AGPAT3: variants seen among roughly 807,000 people sequenced by gnomAD.
The protein encoded by AGPAT3 is 1-acylglycerol-3-phosphate O-acyltransferase 3, also known as 1-acyl-sn-glycerol-3-phosphate acyltransferase gamma.
In AGPAT3, 5 loss-of-function variants were observed where a neutral mutation model predicts 47.3. The observed-to-expected ratio is 0.11, with a 90% CI of 0.06 to 0.22. The LOEUF (loss-of-function observed/expected upper bound fraction) is 0.22, where lower values mean the gene tolerates loss of function less well. Ranked by LOEUF, AGPAT3 falls within the 10% of genes least tolerant of loss-of-function variation. The pLI, the probability that AGPAT3 is intolerant of heterozygous loss-of-function variation, is 1.00. For synonymous variants in AGPAT3, 212 were observed against 208.3 expected (o/e 1.02, Z -0.15); for missense variants, 315 against 493.0 (o/e 0.64, Z 3.42).
At chr21:43,960,684 G>A (rs1007916587) in intron 3 of AGPAT3, 12 of 970,762 alleles carry the variant, frequency 1.2e-5, no homozygotes, top group East Asian at 1.1e-4. Flanking sequence ...CTAATTATGC[G>A]GCACCCATAC....
chr21:43,949,494 A>G (rs1303456731), intron 2 of AGPAT3, among the ~76,000 whole-genome samples: 1 of 152,220 alleles, frequency 6.6e-6, no homozygotes, highest in Non-Finnish European at 1.5e-5. Flanking sequence ...AGGGAGTGGC[A>G]ACGCTCTAAA....
chr21:43,984,138 C>G lies in AGPAT3; in HGVS notation c.*1746C>G, dbSNP rs1359253951. ...GACCAACGAAACCAGATGAGACCAA[C>G]GACACCATGCGAGACACGCTTGCAG... On this transcript the variant is annotated 3_prime_UTR_variant, in exon 10 of 10. Coordinates refer to ENST00000291572, the MANE Select transcript of AGPAT3 (RefSeq NM_020132.5). 6.6e-6 allele frequency: 1 copy of G among 152,294 alleles called. No homozygotes were observed. The highest frequency in any genetic ancestry group is 2.4e-5 in the African/African-American group (1 of 41,468). The allele number at this position is 152,294 out of a possible 1,614,324, so 9.4% of individuals were successfully genotyped here.
intron 2 of AGPAT3, among the ~76,000 whole-genome samples, chr21:43,925,614 G>A (rs1307289229): frequency 1.3e-5 from 2 of 152,208 alleles, no homozygotes; most frequent in Non-Finnish European, 2.9e-5. Flanking sequence ...CTCTGGGCTG[G>A]ACTCTTCCTC....
chr21:43,971,755 G>T (rs1254397991), intron 7 of AGPAT3, among the ~76,000 whole-genome samples: 1 of 152,216 alleles, frequency 6.6e-6, no homozygotes, highest in African/African-American at 2.4e-5. Context: ...ATTGCCCACG[G>T]TGTGTTTCAT....
chr21:43,904,753 G>T (rs1038263928), intron 2 of AGPAT3, among the ~76,000 whole-genome samples: 1 of 152,188 alleles, frequency 6.6e-6, no homozygotes, highest in African/African-American at 2.4e-5. Context: ...TGCTGTGGCT[G>T]ATGAGGCTGC....
At chr21:43,974,967 C>T (rs777848909) in intron 7 of AGPAT3, among the ~76,000 whole-genome samples, 13 of 152,348 alleles carry the variant, frequency 8.5e-5, no homozygotes, top group Middle Eastern at 3.4e-3. Context: ...CACCAGCATG[C>T]GGCAGAGGCT....
intron 8 of AGPAT3, among the ~76,000 whole-genome samples, chr21:43,980,382 C>A (rs548941016): frequency 2.0e-5 from 3 of 152,180 alleles, no homozygotes; most frequent in Non-Finnish European, 2.9e-5. Flanking sequence ...GCAGTGGCTG[C>A]GGAGTGTCTG....
chr21:43,976,090 C>T (rs1214187170), intron 7 of AGPAT3, among the ~76,000 whole-genome samples: 9 of 145,100 alleles, frequency 6.2e-5, no homozygotes, highest in African/African-American at 1.0e-4. Context: ...TTTTTTGAGA[C>T]GGAGTCTCGC....
intron 1 of AGPAT3, among the ~76,000 whole-genome samples, chr21:43,872,858 T>C (rs2085651154): frequency 6.6e-6 from 1 of 152,164 alleles, no homozygotes; most frequent in Non-Finnish European, 1.5e-5. Context: ...TCTGCCTCCT[T>C]GAAGCAGAGG....
intron 2 of AGPAT3, among the ~76,000 whole-genome samples, chr21:43,926,361 C>T (rs547088237): frequency 1.3e-5 from 2 of 152,304 alleles, no homozygotes; most frequent in East Asian, 1.9e-4. Context: ...CTGGGGACCA[C>T]GTCAGGTAAC....
At chr21:43,958,851 T>C (rs1177922836) in intron 2 of AGPAT3, among the ~76,000 whole-genome samples, 2 of 145,624 alleles carry the variant, frequency 1.4e-5, no homozygotes. Context: ...GTGGCATGTG[T>C]GGTTTGCGGT....
At chr21:43,974,007 GT>G (rs2089501046) in intron 7 of AGPAT3, among the ~76,000 whole-genome samples, 3 of 152,206 alleles carry the variant, frequency 2.0e-5, no homozygotes, top group African/African-American at 7.2e-5. Flanking sequence ...ATGTTTATAT[GT>G]TTCATAATGT....
At position 43,876,287 on chromosome 21, in the gene AGPAT3, T is replaced by C. The variant is rs114175702; in HGVS notation, c.-112+10942T>C. On this transcript the variant is annotated intron_variant, in intron 1 of 9. Transcript: ENST00000291572. Reference sequence around the variant, plus strand: ...TAATACCGATAATAATATTAACAAATACTAAAATTTGAATTTCTTGAGGGT... The same window carrying C: ...TAATACCGATAATAATATTAACAAACACTAAAATTTGAATTTCTTGAGGGT... 3.5e-3 allele frequency among the ~76,000 whole-genome samples: 530 copies of C among 152,306 alleles called. 3 individuals carry two copies. Among genetic ancestry groups the C allele is most frequent in the African/African-American group, 0.012 (490 of 41,552 alleles).
chr21:43,967,960 C>T lies in AGPAT3; in HGVS notation c.193C>T (p.Leu65=). 6.2e-7 allele frequency: 1 copy of T among 1,614,004 alleles called. No homozygotes were observed. Among genetic ancestry groups the T allele is most frequent in the South Asian group, 1.1e-5 (1 of 91,058 alleles). ...YSLWSQLVML[L]EWWSCTECTL... ...CCTGTCCGCAGAACTGGTCATGCTGCTGGAGTGGTGGTCCTGCACGGAGTG... is the reference window on the plus strand; with the variant it reads ...CCTGTCCGCAGAACTGGTCATGCTGTTGGAGTGGTGGTCCTGCACGGAGTG... The change falls in exon 4 of 10, where the codon CTG becomes TTG. Residue 65 remains leucine, a synonymous_variant. Transcript: ENST00000291572.
intron 4 of AGPAT3, 141 bp downstream of exon 4, chr21:43,968,256 G>A: frequency 2.0e-6 from 2 of 1,024,600 alleles, no homozygotes; most frequent in South Asian, 3.3e-5. Context: ...GGAGTGAGCT[G>A]GGCGGGGTCC....
chr21:43,977,962 C>A, intron 7 of AGPAT3, 84 bp from the exon 8 acceptor site: 1 of 1,112,304 alleles, frequency 9.0e-7, no homozygotes, highest in Non-Finnish European at 1.3e-6. Context: ...GCCACCCTGG[C>A]ACACGACATG....
At chr21:43,959,534 C>A in intron 2 of AGPAT3, 100 bp from the exon 3 acceptor site, 3 of 1,057,380 alleles carry the variant, frequency 2.8e-6, no homozygotes, top group Non-Finnish European at 4.2e-6. Flanking sequence ...TGTGTATAAG[C>A]GTGAGGCATG....
Position 43,922,751 on chromosome 21 carries a change from G to A in AGPAT3, c.-49+18732G>A, listed in dbSNP as rs532826602. 6.6e-6 allele frequency among the ~76,000 whole-genome samples: 1 copy of A among 152,154 alleles called. No homozygotes were observed. The highest frequency in any genetic ancestry group is 2.1e-4 in the South Asian group (1 of 4,802). On this transcript the variant is annotated intron_variant, in intron 2 of 9. Coordinates refer to ENST00000291572, the MANE Select transcript of AGPAT3 (RefSeq NM_020132.5). The surrounding 1 kb of genome is among the most constrained non-coding windows in gnomAD (Gnocchi z 4.9). ...CCAGGCAGGGCACTCCGTCAGTGTAGGGTCTCCCAGCACAGGGGCTGTGGC... is the reference window on the plus strand; with the variant it reads ...CCAGGCAGGGCACTCCGTCAGTGTAAGGTCTCCCAGCACAGGGGCTGTGGC...
chr21:43,974,482 ATGGG>A (rs912621473), intron 7 of AGPAT3, among the ~76,000 whole-genome samples: 1 of 150,200 alleles, frequency 6.7e-6, no homozygotes, highest in Non-Finnish European at 1.5e-5. Context: ...TGTGTGCAAA[ATGGG>A]TGGGTTTGGT....
Sources: gnomAD v4.1 joint callset for allele counts (sites outside exome capture counted in the v4.1 genomes callset) on GRCh38, gnomAD v4.1.1 for gene constraint, Gnocchi (gnomAD v3.1) non-coding constraint, MANE v1.5 for transcripts, NCBI Gene and HGNC (gene_info 2026-07-23, HGNC 2026-07-21) for gene names.